The following ARHGAP44 variants were observed in gnomAD, a reference collection of about 807,000 sequenced individuals.
ARHGAP44 encodes the protein rho GTPase-activating protein 44.
Under a neutral mutation model 106.8 loss-of-function variants are expected in ARHGAP44, and 43 were observed. That is an observed-to-expected ratio of 0.40 (90% CI 0.32 to 0.52). The LOEUF is 0.52. Ranked by LOEUF, ARHGAP44 falls within the 20% of genes least tolerant of loss-of-function variation. The pLI is 0.48. For synonymous variants in ARHGAP44, 439 were observed against 410.3 expected (o/e 1.07, Z -0.85); for missense variants, 866 against 1,050.5 (o/e 0.82, Z 2.43).
rs57364760 is a variant in ARHGAP44, at chr17:12,975,795, CAAAAAAAAAAAAA to C, written c.1763+1495_1763+1507del. Among the ~76,000 whole-genome samples, 649 of 69,408 alleles carry C rather than the reference CAAAAAAAAAAAAA, an allele frequency of 9.4e-3. 1 individual carries two copies. The highest frequency in any genetic ancestry group is 0.014 in the Non-Finnish European group (539 of 38,948). The allele number at this position is 69,408 out of a possible 152,430, so 45.5% of individuals were successfully genotyped here. On this transcript the variant is annotated intron_variant, in intron 18 of 20. Coordinates refer to ENST00000379672, the MANE Select transcript of ARHGAP44 (RefSeq NM_014859.6). ...CCTGGGTGACAGCGTGACTCCGTCTCAAAAAAAAAAAAAAAAAAAAAAGAAAAAAAGACATGAT... is the reference window on the plus strand; with the variant it reads ...CCTGGGTGACAGCGTGACTCCGTCTCAAAAAAAAAGAAAAAAAGACATGAT...
At chr17:12,918,772 C>A (rs3785721) in intron 5 of ARHGAP44, among the ~76,000 whole-genome samples, 68,020 of 151,980 alleles carry the variant, frequency 0.45, 17,320 homozygotes, top group Non-Finnish European at 0.57. Context: ...CTTCATTTCT[C>A]CCCACTTTTG....
chr17:12,841,577 G>GTCTGTCTGTCTCTCTC (rs369886457), intron 1 of ARHGAP44, among the ~76,000 whole-genome samples: 3 of 120,246 alleles, frequency 2.5e-5, no homozygotes, highest in South Asian at 5.5e-4. Context: ...GTGAGACCCT[G>GTCTGTCTGTCTCTCTC]TCTCTCTGTC....
intron 7 of ARHGAP44, among the ~76,000 whole-genome samples, chr17:12,933,866 T>G (rs1346778137): frequency 8.4e-6 from 1 of 118,764 alleles, no homozygotes; most frequent in Non-Finnish European, 1.8e-5. Context: ...TTTTTTTTTT[T>G]GAGACGGTGT....
intron 1 of ARHGAP44, among the ~76,000 whole-genome samples, chr17:12,876,017 TAGAGCTAGA>T: frequency 6.6e-6 from 1 of 152,338 alleles, no homozygotes; most frequent in East Asian, 1.9e-4. Context: ...ACTGACCAGT[TAGAGCTAGA>T]AGCTCTAACT....
intron 1 of ARHGAP44, among the ~76,000 whole-genome samples, chr17:12,832,499 A>G (rs554157287): frequency 2.6e-5 from 4 of 152,352 alleles, no homozygotes; most frequent in African/African-American, 9.6e-5. Context: ...CTCCTGAGCC[A>G]TAACTTCTAA....
At chr17:12,876,514 A>G (rs1423737462) in intron 1 of ARHGAP44, among the ~76,000 whole-genome samples, 1 of 152,136 alleles carries the variant, frequency 6.6e-6, no homozygotes, top group Non-Finnish European at 1.5e-5. Flanking sequence ...CCAGCAGAAC[A>G]CCTGCTAGGC....
intron 3 of ARHGAP44, among the ~76,000 whole-genome samples, chr17:12,902,160 A>T (rs1443496378): frequency 6.6e-6 from 1 of 152,082 alleles, no homozygotes; most frequent in Non-Finnish European, 1.5e-5. Flanking sequence ...GAACACTATG[A>T]TGTGTCTTCT....
At chr17:12,967,107 T>G (rs1371541971) in intron 16 of ARHGAP44, among the ~76,000 whole-genome samples, 1 of 117,010 alleles carries the variant, frequency 8.5e-6, no homozygotes. Flanking sequence ...CCTCATTTTT[T>G]TTTTTTTGTT....
intron 16 of ARHGAP44, among the ~76,000 whole-genome samples, chr17:12,972,229 T>A (rs925978993): frequency 6.6e-6 from 1 of 152,212 alleles, no homozygotes; most frequent in African/African-American, 2.4e-5. Flanking sequence ...TCTCCCTTAA[T>A]GCTAGAAATG....
chr17:12,928,105 ATTTCCTCCTAAAGTTTTCTGAG>A (rs1489557646), intron 6 of ARHGAP44, among the ~76,000 whole-genome samples: 2 of 152,122 alleles, frequency 1.3e-5, no homozygotes, highest in African/African-American at 4.8e-5. Context: ...AAATATTTGT[ATTTCCTCCTAAAGTTTTCTGAG>A]TGACTTCGTT....
intron 1 of ARHGAP44, among the ~76,000 whole-genome samples, chr17:12,808,618 C>T (rs776831813): frequency 9.2e-5 from 14 of 152,180 alleles, no homozygotes; most frequent in Non-Finnish European, 1.5e-4. Flanking sequence ...CCTGAGACTG[C>T]GCAAAGGAGT....
intron 1 of ARHGAP44, among the ~76,000 whole-genome samples, chr17:12,841,357 G>T (rs371308714): frequency 1.3e-5 from 2 of 151,986 alleles, no homozygotes; most frequent in East Asian, 3.9e-4. Flanking sequence ...CTAACATTTT[G>T]GGAGGCCAAG....
intron 10 of ARHGAP44, among the ~76,000 whole-genome samples, chr17:12,948,740 A>ACACACACACG (rs2038919300): frequency 6.6e-6 from 1 of 151,454 alleles, no homozygotes; most frequent in Non-Finnish European, 1.5e-5. Context: ...ACACACACAC[A>ACACACACACG]CACACACACA....
At chr17:12,866,654 A>T (rs1438280246) in intron 1 of ARHGAP44, among the ~76,000 whole-genome samples, 1 of 152,230 alleles carries the variant, frequency 6.6e-6, no homozygotes, top group African/African-American at 2.4e-5. Flanking sequence ...AGTGATGAGT[A>T]ATTCATAGGG....
At chr17:12,986,897 G>T (rs1354486556) in intron 20 of ARHGAP44, 2 of 572,504 alleles carry the variant, frequency 3.5e-6, no homozygotes, top group African/African-American at 1.9e-5. Flanking sequence ...GCCCTGTGCG[G>T]ACCCTATTTT....
chr17:12,842,477 C>T (rs1473037722), intron 1 of ARHGAP44, among the ~76,000 whole-genome samples: 1 of 150,982 alleles, frequency 6.6e-6, no homozygotes. Context: ...CCCAGGTTAT[C>T]CAAGCATCCT....
At chr17:12,907,825 A>G (rs1243711954) in intron 3 of ARHGAP44, among the ~76,000 whole-genome samples, 2 of 152,206 alleles carry the variant, frequency 1.3e-5, no homozygotes, top group East Asian at 3.8e-4. Flanking sequence ...CTTTGGATAT[A>G]TACCCAGGAG....
At chr17:12,796,036 A>G (rs2033907712) in intron 1 of ARHGAP44, among the ~76,000 whole-genome samples, 1 of 152,088 alleles carries the variant, frequency 6.6e-6, no homozygotes, top group African/African-American at 2.4e-5. Context: ...AAAATCATAA[A>G]CTTATGGATG....
intron 18 of ARHGAP44, among the ~76,000 whole-genome samples, chr17:12,977,957 G>C (rs924144127): frequency 6.7e-6 from 1 of 149,354 alleles, no homozygotes; most frequent in African/African-American, 2.5e-5. Flanking sequence ...AGAATCGCTT[G>C]AACCTGGGAG....
Sources: gnomAD v4.1 joint callset for allele counts (sites outside exome capture counted in the v4.1 genomes callset) on GRCh38, gnomAD v4.1.1 for gene constraint, MANE v1.5 for transcripts, NCBI Gene and HGNC (gene_info 2026-07-23, HGNC 2026-07-21) for gene names.